MED30: variants seen among roughly 807,000 people sequenced by gnomAD.
MED30 encodes the protein mediator of RNA polymerase II transcription subunit 30.
A neutral mutation model predicts 21.7 loss-of-function variants in MED30; 8 were observed. The ratio of observed to expected loss-of-function variants is 0.37; its 90% CI spans 0.22 to 0.67. MED30 has a LOEUF of 0.67. Ranked by LOEUF, MED30 falls within the 30% of genes least tolerant of loss-of-function variation. The pLI is 0.58. For missense variants in MED30, 203 were observed against 228.2 expected (o/e 0.89, Z 0.71); for synonymous variants, 79 against 86.7 (o/e 0.91, Z 0.49).
intron 1 of MED30, among the ~76,000 whole-genome samples, chr8:117,524,786 G>A (rs1294755479): frequency 6.6e-6 from 1 of 151,990 alleles, no homozygotes; most frequent in African/African-American, 2.4e-5. Context: ...TGCATATTAA[G>A]CAAATGTTTA....
At chr8:117,527,354 T>C (rs1305074695) in intron 1 of MED30, among the ~76,000 whole-genome samples, 1 of 151,972 alleles carries the variant, frequency 6.6e-6, no homozygotes, top group Non-Finnish European at 1.5e-5. Flanking sequence ...TGAGGCATTG[T>C]AGACTGTTTT....
rs1158833802 is a variant in MED30 at position 117,520,718 on chromosome 8, A to G, written c.-159A>G. 2.9e-6 allele frequency: 2 copies of G among 685,178 alleles called. No homozygotes were observed. Among genetic ancestry groups the G allele is most frequent in the Admixed American group, 3.1e-5 (1 of 32,250 alleles). 42.4% of individuals were successfully genotyped at this position (685,178 alleles called of 1,614,324 possible). A position where few individuals can be genotyped will look rare whatever the true frequency, so the allele number is the denominator to read the frequency against. On this transcript the variant is annotated 5_prime_UTR_variant, in exon 1 of 4. Coordinates refer to ENST00000297347, the MANE Select transcript of MED30 (RefSeq NM_080651.4). ...TGTCTATGACGTTTTCTGACGTGTT[A>G]CGTCACAGTGGGCGGAAGTCGCGGC...
intron 3 of MED30, among the ~76,000 whole-genome samples, chr8:117,531,460 C>T (rs1191730222): frequency 1.3e-5 from 2 of 151,946 alleles, no homozygotes; most frequent in African/African-American, 4.8e-5. Flanking sequence ...ATTGCCCCTT[C>T]CTGAAATTCT....
At chr8:117,539,835 G>A (rs1227676068) in intron 3 of MED30, 48 bp from the exon 4 acceptor site, 1 of 1,074,308 alleles carries the variant, frequency 9.3e-7, no homozygotes, top group Admixed American at 1.9e-5. Context: ...CTAACTTCAT[G>A]GTCTATATTT....
intron 3 of MED30, among the ~76,000 whole-genome samples, chr8:117,531,499 TA>T (rs1326734709): frequency 6.6e-6 from 1 of 152,032 alleles, no homozygotes; most frequent in African/African-American, 2.4e-5. Context: ...CTCATCAGTG[TA>T]TTAATAATCC....
chr8:117,525,686 A>G (rs1474773048), intron 1 of MED30, among the ~76,000 whole-genome samples: 1 of 152,102 alleles, frequency 6.6e-6, no homozygotes, highest in Admixed American at 6.5e-5. Flanking sequence ...AACTTTTTCA[A>G]AAGGTTCACT....
chr8:117,523,674 C>G lies in MED30; in HGVS notation c.177+2621C>G, dbSNP rs959163378. On this transcript the variant is annotated intron_variant, in intron 1 of 3. Transcript: ENST00000297347. ...TGTCTGCCAGCTCCGGGTGCTTAGG[C>G]ATGTGGAATCCTCCTTGGCCACCAT... 1.9e-6 allele frequency: 3 copies of G among 1,590,314 alleles called. No homozygotes were observed. The African/African-American group carries it at 4.0e-5, about 21-fold the overall frequency.
intron 1 of MED30, chr8:117,523,963 C>T (rs1409057949): frequency 3.6e-6 from 1 of 275,446 alleles, no homozygotes; most frequent in South Asian, 5.0e-5. Context: ...GCCGAGAGAT[C>T]GCGCCACTGC....
intron 3 of MED30, among the ~76,000 whole-genome samples, chr8:117,536,847 TAAG>T (rs773524621): frequency 2.6e-5 from 4 of 152,216 alleles, no homozygotes; most frequent in Admixed American, 6.5e-5. Flanking sequence ...GGCCACATTG[TAAG>T]AAGAAGAATT....
At chr8:117,535,151 G>A (rs1157734384) in intron 3 of MED30, among the ~76,000 whole-genome samples, 1 of 150,526 alleles carries the variant, frequency 6.6e-6, no homozygotes, top group Non-Finnish European at 1.5e-5. Flanking sequence ...ACTTCTTTAA[G>A]CTCTGTGTCT....
chr8:117,530,228 T>C (rs927883960), intron 2 of MED30: 5 of 151,982 alleles, frequency 3.3e-5, no homozygotes, highest in Admixed American at 6.6e-5. Flanking sequence ...AAGTTTTAGA[T>C]TGCAAGTTAA....
intron 3 of MED30, among the ~76,000 whole-genome samples, chr8:117,534,234 C>G (rs926712422): frequency 8.6e-5 from 13 of 152,032 alleles, no homozygotes; most frequent in African/African-American, 2.9e-4. Context: ...TGACCACTCC[C>G]TCTTTACTTT....
chr8:117,540,065 C>T lies in MED30; in HGVS notation c.*87C>T. Reference sequence around the variant, plus strand: ...TTTCCCTGTGAAGAAGATTATTTATCTGCTTTTATTTTAGTCACTAAAACT... The same window carrying T: ...TTTCCCTGTGAAGAAGATTATTTATTTGCTTTTATTTTAGTCACTAAAACT... On this transcript the variant is annotated 3_prime_UTR_variant, in exon 4 of 4. Transcript: ENST00000297347. 1 of 689,268 alleles carries T rather than the reference C, an allele frequency of 1.5e-6. No individual in the cohort carries two copies. 42.7% of individuals were successfully genotyped at this position (689,268 alleles called of 1,614,324 possible).
intron 1 of MED30, among the ~76,000 whole-genome samples, 154 bp from the exon 2 acceptor site, chr8:117,528,497 C>G (rs1439079860): frequency 6.6e-6 from 1 of 151,876 alleles, no homozygotes; most frequent in Admixed American, 6.6e-5. Flanking sequence ...ATGCATTGCT[C>G]TTAAATTCTT....
At chr8:117,521,135 G>A in intron 1 of MED30, 82 bp downstream of exon 1, 1 of 1,358,476 alleles carries the variant, frequency 7.4e-7, no homozygotes, top group Non-Finnish European at 1.0e-6. Flanking sequence ...TGGGGCCCGT[G>A]GATGTCATCG....
intron 3 of MED30, among the ~76,000 whole-genome samples, chr8:117,533,974 C>T (rs1206797189): frequency 6.6e-6 from 1 of 152,060 alleles, no homozygotes; most frequent in Non-Finnish European, 1.5e-5. Context: ...GATAGTTTGG[C>T]TGGCTATAAA....
chr8:117,520,802 C>T lies in MED30; in HGVS notation c.-75C>T. The T allele has an allele frequency of 9.2e-6, 13 of 1,418,676 alleles. No individual in the cohort carries two copies. Among genetic ancestry groups the T allele is most frequent in the Non-Finnish European group, 1.1e-5 (12 of 1,068,584 alleles). 87.9% of individuals were successfully genotyped at this position (1,418,676 alleles called of 1,614,324 possible). On this transcript the variant is annotated 5_prime_UTR_variant, in exon 1 of 4. Coordinates refer to ENST00000297347, the MANE Select transcript of MED30 (RefSeq NM_080651.4). ...CAAGCTGGTTCCAACGCTGAGGCCC[C>T]ACAGCCTCCCAATTCCGGGCAGACC...
At chr8:117,523,761 C>A in intron 1 of MED30, 4 of 1,076,542 alleles carry the variant, frequency 3.7e-6, no homozygotes, top group Admixed American at 2.2e-5. Context: ...GTAATCCCAG[C>A]ACTTTGAGAG....
chr8:117,532,754 A>G (rs888989897), intron 3 of MED30, among the ~76,000 whole-genome samples: 1 of 152,118 alleles, frequency 6.6e-6, no homozygotes, highest in Admixed American at 6.5e-5. Flanking sequence ...TTAGAAAACT[A>G]TTTCCAAAAA....
Sources: allele counts gnomAD v4.1 joint callset (sites outside exome capture counted in the v4.1 genomes callset), GRCh38; gene constraint gnomAD v4.1.1; transcripts MANE v1.5; gene names NCBI Gene and HGNC (gene_info 2026-07-23, HGNC 2026-07-21).